RIC1: variants seen among roughly 807,000 people sequenced by gnomAD.
RIC1 encodes RIC1 partner of RAB6A GEF complex, also known as guanine nucleotide exchange factor subunit RIC1.
A neutral mutation model predicts 169.0 loss-of-function variants in RIC1; 88 were observed. The observed-to-expected ratio is 0.52, with a 90% CI of 0.44 to 0.62. The LOEUF (loss-of-function observed/expected upper bound fraction) is 0.62, where lower values mean the gene tolerates loss of function less well. RIC1 is among the 20% of genes least tolerant of loss of function. The pLI is 0.00. For missense variants in RIC1, 1,877 were observed against 1,725.5 expected (o/e 1.09, Z -1.56); for synonymous variants, 790 against 601.5 (o/e 1.31, Z -4.59).
chr9:5,713,904 C>T lies in RIC1; in HGVS notation c.341C>T (p.Pro114Leu), dbSNP rs1416889827. 1 of 1,611,932 alleles carries T rather than the reference C, an allele frequency of 6.2e-7. No homozygotes were observed. The highest frequency in any genetic ancestry group is 1.3e-5 in the African/African-American group (1 of 74,840). The change falls in exon 4 of 26, where the codon CCA becomes CTA. Residue 114 changes from proline to leucine, a missense_variant. Transcript: ENST00000414202. Reference protein sequence around the residue: ...LYEPVYPKGSPQMKGTPHFKE... With the variant: ...LYEPVYPKGSLQMKGTPHFKE... ...TATGCTGTTTGTTTTAGAGGAAGTC[C>T]ACAAATGAAGGGGACACCCCATTTT...
At chr9:5,778,455 C>A (rs371990185), downstream of RIC1, among the ~76,000 whole-genome samples, 12 of 152,270 alleles carry the variant, frequency 7.9e-5, no homozygotes, top group Non-Finnish European at 1.0e-4. Flanking sequence ...TAGTGGATAT[C>A]CTTGTCTTCT....
At chr9:5,701,267 A>G (rs983489232) in intron 3 of RIC1, among the ~76,000 whole-genome samples, 1 of 152,276 alleles carries the variant, frequency 6.6e-6, no homozygotes, top group Middle Eastern at 3.4e-3. Context: ...ATGGGCATCT[A>G]TATTGAATCC....
At chr9:5,705,707 A>G (rs952103735) in intron 3 of RIC1, among the ~76,000 whole-genome samples, 2 of 152,228 alleles carry the variant, frequency 1.3e-5, no homozygotes, top group African/African-American at 2.4e-5. Context: ...TGTCTCATGC[A>G]TGATCGTAGC....
chr9:5,683,180 T>G (rs1219130315), intron 2 of RIC1, among the ~76,000 whole-genome samples: 1 of 152,210 alleles, frequency 6.6e-6, no homozygotes, highest in African/African-American at 2.4e-5. Context: ...TTTGTTACAT[T>G]GTTTGTGAGG....
intron 12 of RIC1, among the ~76,000 whole-genome samples, chr9:5,750,295 G>A (rs1284394167): frequency 6.6e-6 from 1 of 151,820 alleles, no homozygotes; most frequent in Non-Finnish European, 1.5e-5. Flanking sequence ...ACTTCTGAAA[G>A]GTACATAAAT....
chr9:5,770,749 A>G (rs1827159462), intron 23 of RIC1, among the ~76,000 whole-genome samples: 1 of 152,158 alleles, frequency 6.6e-6, no homozygotes, highest in African/African-American at 2.4e-5. Context: ...CTTGCTATAT[A>G]AGTTCCTACA....
At chr9:5,675,193 A>G (rs1346926365) in intron 2 of RIC1, among the ~76,000 whole-genome samples, 1 of 152,168 alleles carries the variant, frequency 6.6e-6, no homozygotes, top group Admixed American at 6.5e-5. Context: ...GGCTAATTTA[A>G]AGAGAGTGAC....
At chr9:5,728,895 A>T (rs989922670) in intron 6 of RIC1, among the ~76,000 whole-genome samples, 2 of 152,186 alleles carry the variant, frequency 1.3e-5, no homozygotes, top group South Asian at 2.1e-4. Flanking sequence ...AAAATAATTT[A>T]TTGAAAACTG....
At chr9:5,723,384 G>A (rs1024148844) in intron 6 of RIC1, among the ~76,000 whole-genome samples, 5 of 152,202 alleles carry the variant, frequency 3.3e-5, no homozygotes, top group East Asian at 3.9e-4. Flanking sequence ...CATAGCCTTC[G>A]CCCACTTTTT....
At chr9:5,761,367 C>T (rs931995945) in intron 17 of RIC1, among the ~76,000 whole-genome samples, 8 of 151,952 alleles carry the variant, frequency 5.3e-5, no homozygotes, top group Non-Finnish European at 1.2e-4. Flanking sequence ...CCACCTCAGC[C>T]TCCCACCAAA....
At chr9:5,722,497 T>C (rs1023137811) in intron 6 of RIC1, among the ~76,000 whole-genome samples, 3 of 152,106 alleles carry the variant, frequency 2.0e-5, no homozygotes, top group Non-Finnish European at 4.4e-5. Flanking sequence ...ACTTTAATAC[T>C]AGAAAGAACT....
intron 7 of RIC1, among the ~76,000 whole-genome samples, chr9:5,738,225 A>G (rs1471129734): frequency 6.6e-6 from 1 of 152,220 alleles, no homozygotes; most frequent in Non-Finnish European, 1.5e-5. Flanking sequence ...GACATTGTAC[A>G]TATCTCTAGT....
At chr9:5,693,585 G>C (rs1333956007) in intron 3 of RIC1, among the ~76,000 whole-genome samples, 2 of 152,156 alleles carry the variant, frequency 1.3e-5, no homozygotes, top group East Asian at 3.8e-4. Flanking sequence ...GACCAGACTA[G>C]TTGAAGGTTG....
At chr9:5,756,431 G>T in intron 16 of RIC1, 59 bp downstream of exon 16, 1 of 1,169,694 alleles carries the variant, frequency 8.5e-7, no homozygotes, top group Non-Finnish European at 1.1e-6. Context: ...TTTCTCTTTT[G>T]TAGTTTTTGT....
chr9:5,747,118 CTAATTA>C (rs1180366667), intron 11 of RIC1, among the ~76,000 whole-genome samples, 178 bp from the exon 12 acceptor site: 7 of 152,192 alleles, frequency 4.6e-5, no homozygotes, highest in African/African-American at 1.7e-4. Context: ...ACTATTCTTT[CTAATTA>C]TAACAGTGCA....
At chr9:5,644,304 T>A (rs1402289833) in intron 1 of RIC1, among the ~76,000 whole-genome samples, 4 of 152,220 alleles carry the variant, frequency 2.6e-5, no homozygotes, top group African/African-American at 9.7e-5. Context: ...TTCATATCAT[T>A]GGAATCATAT....
chr9:5,699,147 G>A (rs1822070055), intron 3 of RIC1, among the ~76,000 whole-genome samples: 1 of 152,176 alleles, frequency 6.6e-6, no homozygotes, highest in Non-Finnish European at 1.5e-5. Context: ...CTTGAATAAT[G>A]TCATAACATC....
intron 1 of RIC1, among the ~76,000 whole-genome samples, chr9:5,649,284 G>C (rs1026023977): frequency 2.6e-5 from 4 of 152,188 alleles, no homozygotes; most frequent in Admixed American, 2.0e-4. Flanking sequence ...ATGTCCATTG[G>C]TTCTTTTTCT....
chr9:5,723,608 G>A (rs1028486668), intron 6 of RIC1, among the ~76,000 whole-genome samples: 5 of 152,152 alleles, frequency 3.3e-5, no homozygotes, highest in Non-Finnish European at 5.9e-5. Context: ...ATTGCTTTTG[G>A]TGTTTTAGTC....
Sources: allele counts gnomAD v4.1 joint callset (sites outside exome capture counted in the v4.1 genomes callset), GRCh38; gene constraint gnomAD v4.1.1; transcripts MANE v1.5; gene names NCBI Gene and HGNC (gene_info 2026-07-23, HGNC 2026-07-21).